Variants in TEX36 observed in about 807,000 individuals in gnomAD.
TEX36 encodes the protein testis-expressed protein 36.
A neutral mutation model predicts 13.6 loss-of-function variants in TEX36; 12 were observed. The observed-to-expected ratio is 0.88, with a 90% CI of 0.56 to 1.43. The LOEUF is 1.43. TEX36 is among the 40% of genes most tolerant of loss of function. The pLI is 0.00. For synonymous variants in TEX36, 93 were observed against 83.0 expected (o/e 1.12, Z -0.65); for missense variants, 224 against 228.3 (o/e 0.98, Z 0.12).
intron 3 of TEX36, 36 bp downstream of exon 3, chr10:125,660,985 C>CA: frequency 6.6e-7 from 1 of 1,509,578 alleles, no homozygotes; most frequent in Non-Finnish European, 9.0e-7. Context: ...TTGTGTTGTT[C>CA]CCTGTTTTAT....
downstream of TEX36, among the ~76,000 whole-genome samples, chr10:125,617,440 A>G (rs1200115189): frequency 1.3e-5 from 2 of 152,174 alleles, no homozygotes; most frequent in South Asian, 2.1e-4. Context: ...GTTCCTTTCC[A>G]TGCTTAGCGC....
chr10:125,670,310 C>T (rs1322210313), intron 1 of TEX36, among the ~76,000 whole-genome samples: 1 of 152,332 alleles, frequency 6.6e-6, no homozygotes, highest in East Asian at 1.9e-4. Flanking sequence ...GATGGTATCT[C>T]ATTGTGGTTT....
chr10:125,603,031 C>G (rs1413261772), intron 3 of TEX36, among the ~76,000 whole-genome samples: 4 of 152,164 alleles, frequency 2.6e-5, no homozygotes, highest in Non-Finnish European at 5.9e-5. Context: ...CACCTGGTGC[C>G]ATGCATGGAG....
At chr10:125,604,823 A>T (rs1846195734) in intron 3 of TEX36, among the ~76,000 whole-genome samples, 1 of 151,848 alleles carries the variant, frequency 6.6e-6, no homozygotes, top group Non-Finnish European at 1.5e-5. Flanking sequence ...AAAAAGAAAT[A>T]GAGAGAGAAT....
At chr10:125,603,891 C>G (rs556360732) in intron 3 of TEX36, among the ~76,000 whole-genome samples, 2 of 152,194 alleles carry the variant, frequency 1.3e-5, no homozygotes, top group Admixed American at 1.3e-4. Context: ...ACTGGCTGGG[C>G]CCAGTGGGCA....
At chr10:125,578,422 T>A (rs951367950) in intron 3 of TEX36, 6 of 152,260 alleles carry the variant, frequency 3.9e-5, no homozygotes, top group African/African-American at 1.4e-4. Flanking sequence ...TCAACTGGAA[T>A]TAAATTGTCG....
At chr10:125,667,044 C>A (rs945827029) in intron 1 of TEX36, 3 of 1,490,002 alleles carry the variant, frequency 2.0e-6, no homozygotes, top group East Asian at 2.4e-5. Context: ...AGGGCAGAGG[C>A]CTGCAGGGCT....
At chr10:125,598,074 G>T (rs1348702036) in intron 3 of TEX36, among the ~76,000 whole-genome samples, 1 of 152,196 alleles carries the variant, frequency 6.6e-6, no homozygotes, top group African/African-American at 2.4e-5. Context: ...GAGGGTGGGA[G>T]TGGCAGGCCC....
intron 3 of TEX36, among the ~76,000 whole-genome samples, chr10:125,610,654 A>G (rs1225535956): frequency 6.6e-6 from 1 of 152,004 alleles, no homozygotes; most frequent in African/African-American, 2.4e-5. Flanking sequence ...CTTTTCATGT[A>G]CAGATTTTTT....
chr10:125,620,898 G>T (rs297254), downstream of TEX36, among the ~76,000 whole-genome samples: 1,173 of 152,160 alleles, frequency 7.7e-3, 16 homozygotes, highest in African/African-American at 0.027. Context: ...TTTGTGGCTG[G>T]TTTATTTTAT....
At chr10:125,618,961 A>T (rs1203483115), downstream of TEX36, among the ~76,000 whole-genome samples, 6 of 141,192 alleles carry the variant, frequency 4.2e-5, no homozygotes, top group East Asian at 2.1e-4. Flanking sequence ...AAAAAAAAAA[A>T]AAAAAAAAAA....
chr10:125,682,614 A>G (rs1379410024), intron 1 of TEX36, among the ~76,000 whole-genome samples: 4 of 152,326 alleles, frequency 2.6e-5, no homozygotes, highest in African/African-American at 9.6e-5. Context: ...GGGGAGAAAA[A>G]TAACATAGAT....
intron 3 of TEX36, among the ~76,000 whole-genome samples, chr10:125,591,583 G>C (rs753726714): frequency 6.6e-6 from 1 of 152,188 alleles, no homozygotes; most frequent in African/African-American, 2.4e-5. Context: ...AAACCGCACT[G>C]ATCAATACCC....
chr10:125,679,144 C>CG lies in TEX36; in HGVS notation c.51+3794_51+3795insC, dbSNP rs1555009068. 4.8e-3 allele frequency among the ~76,000 whole-genome samples: 669 copies of CG among 139,466 alleles called. 65 individuals are homozygous for CG. The highest frequency in any genetic ancestry group is 0.019 in the African/African-American group (637 of 33,468). 91.5% of individuals were successfully genotyped at this position (139,466 alleles called of 152,430 possible). ...TGGCTCTGGCTACAGGAGCACCCCC[C>CG]CCGCCCCCGCCAAGCTGACAACTTA... On this transcript the variant is annotated intron_variant, in intron 1 of 3. Coordinates refer to ENST00000368821, the MANE Select transcript of TEX36 (RefSeq NM_001128202.3).
At chr10:125,661,796 C>G (rs766936702) in intron 2 of TEX36, 50 bp downstream of exon 2, 22 of 1,547,188 alleles carry the variant, frequency 1.4e-5, no homozygotes, top group East Asian at 7.3e-5. Flanking sequence ...GGCGCTGCCC[C>G]CTGGGAGGTC....
At chr10:125,604,747 G>A (rs1013187364) in intron 3 of TEX36, among the ~76,000 whole-genome samples, 1 of 152,134 alleles carries the variant, frequency 6.6e-6, no homozygotes, top group African/African-American at 2.4e-5. Flanking sequence ...AGGAGGCAGA[G>A]GTTGCAGTGA....
intron 3 of TEX36, among the ~76,000 whole-genome samples, chr10:125,599,019 C>T (rs1250255726): frequency 3.9e-5 from 6 of 152,120 alleles, no homozygotes; most frequent in African/African-American, 1.4e-4. Context: ...ACCTTGCCTG[C>T]CCCACTCCGT....
chr10:125,628,466 T>G (rs1846513458), intron 3 of TEX36, among the ~76,000 whole-genome samples: 1 of 147,376 alleles, frequency 6.8e-6, no homozygotes, highest in South Asian at 2.1e-4. Context: ...AGAAGCTGCT[T>G]TTTAGAAGTT....
chr10:125,671,093 T>C (rs1005868159), intron 1 of TEX36, among the ~76,000 whole-genome samples: 48 of 152,176 alleles, frequency 3.2e-4, no homozygotes, highest in African/African-American at 1.1e-3. Context: ...ACAGTTTGAC[T>C]TCCTCTCTTC....
Sources: allele counts gnomAD v4.1 joint callset (sites outside exome capture counted in the v4.1 genomes callset), GRCh38; gene constraint gnomAD v4.1.1; transcripts MANE v1.5; gene names NCBI Gene and HGNC (gene_info 2026-07-23, HGNC 2026-07-21).